The following PCDHA2 variants were observed in gnomAD, a reference collection of about 807,000 sequenced individuals.
PCDHA2 encodes the protein protocadherin alpha-2.
PCDHA2 carries 58 observed loss-of-function variants against 66.0 expected under a neutral mutation model. The ratio of observed to expected loss-of-function variants is 0.88; its 90% CI spans 0.71 to 1.09. The LOEUF (loss-of-function observed/expected upper bound fraction) is 1.09, where lower values mean the gene tolerates loss of function less well. Among genes scored for constraint, PCDHA2 ranks in the 50% least tolerant of loss-of-function variants. PCDHA2 has a pLI of 0.00. For synonymous variants in PCDHA2, 634 were observed against 554.0 expected (o/e 1.14, Z -2.03); for missense variants, 1,267 against 1,242.3 (o/e 1.02, Z -0.30).
At chr5:140,894,841 T>C in intron 1 of PCDHA2, among the ~76,000 whole-genome samples, 1 of 152,184 alleles carries the variant, frequency 6.6e-6, no homozygotes, top group East Asian at 1.9e-4. Context: ...TTTCTTATGC[T>C]CATTTTTATA....
At chr5:140,965,521 G>A (rs1554227745) in intron 1 of PCDHA2, among the ~76,000 whole-genome samples, 2 of 150,836 alleles carry the variant, frequency 1.3e-5, no homozygotes, top group East Asian at 3.9e-4. Flanking sequence ...TAACTGCAAA[G>A]CATTAATGGA....
At position 140,806,837 on chromosome 5, in the gene PCDHA2, C is replaced by A. The variant is rs1353545411; in HGVS notation, c.2388+9485C>A. The A allele has an allele frequency of 1.5e-5, 4 of 258,238 alleles. No individual in the cohort carries two copies. In the South Asian group the frequency reaches 3.6e-4, roughly 23 times the overall value. 16.0% of individuals were successfully genotyped at this position (258,238 alleles called of 1,614,324 possible). A position where few individuals can be genotyped will look rare whatever the true frequency, so the allele number is the denominator to read the frequency against. On this transcript the variant is annotated intron_variant, in intron 1 of 3. Transcript: ENST00000526136. ...TTGCCCCTATGGCGAAACTAAGGAC[C>A]ACACTCAATCAATCAGTGGTACAAT...
chr5:140,958,084 T>C (rs2095408627), intron 1 of PCDHA2, among the ~76,000 whole-genome samples: 1 of 152,110 alleles, frequency 6.6e-6, no homozygotes, highest in African/African-American at 2.4e-5. Flanking sequence ...AAAAGTAAAG[T>C]TGTACAATAG....
chr5:140,936,981 T>C (rs2153630854), intron 1 of PCDHA2, among the ~76,000 whole-genome samples: 1 of 152,330 alleles, frequency 6.6e-6, no homozygotes, highest in South Asian at 2.1e-4. Flanking sequence ...ATGAAGCTTG[T>C]TAACATTGAC....
At chr5:140,954,007 C>T (rs1277033706) in intron 1 of PCDHA2, among the ~76,000 whole-genome samples, 4 of 152,144 alleles carry the variant, frequency 2.6e-5, no homozygotes, top group Non-Finnish European at 4.4e-5. Flanking sequence ...CATCATTCAG[C>T]TCCCACACAT....
At chr5:140,850,654 T>G in intron 1 of PCDHA2, 1 of 1,598,638 alleles carries the variant, frequency 6.3e-7, no homozygotes, top group Non-Finnish European at 8.6e-7. Flanking sequence ...CTGTACACTG[T>G]GCTGCGGTGC....
At chr5:140,851,909 A>G in intron 1 of PCDHA2, 1 of 970,994 alleles carries the variant, frequency 1.0e-6, no homozygotes, top group Non-Finnish European at 1.2e-6. Context: ...CTTTAATGTC[A>G]CTACATGTTA....
At chr5:140,856,750 C>T (rs1554149043) in intron 1 of PCDHA2, 2 of 1,596,152 alleles carry the variant, frequency 1.3e-6, no homozygotes, top group Non-Finnish European at 1.7e-6. Flanking sequence ...TGTTAGATGC[C>T]AATGATAACG....
chr5:141,008,072 T>G (rs1419103459), intron 3 of PCDHA2, among the ~76,000 whole-genome samples: 3 of 152,154 alleles, frequency 2.0e-5, no homozygotes, highest in African/African-American at 7.2e-5. Context: ...TAAGAACTTA[T>G]TGGGGTTATT....
rs2150124281 is a variant in PCDHA2, at chr5:140,823,276, C to T, written c.2388+25924C>T. The T allele has an allele frequency of 1.9e-6, 3 of 1,612,052 alleles. No individual in the cohort carries two copies. Among genetic ancestry groups the T allele is most frequent in the Non-Finnish European group, 2.5e-6 (3 of 1,179,752 alleles). ...GCTGGTGGAGCGGCGGGTGGGCGAGCGCCCGCTGTCGAGTTACGTTTCGGT... is the reference window on the plus strand; with the variant it reads ...GCTGGTGGAGCGGCGGGTGGGCGAGTGCCCGCTGTCGAGTTACGTTTCGGT... On this transcript the variant is annotated intron_variant, in intron 1 of 3. Transcript: ENST00000526136.
rs2150412128 is a variant in PCDHA2 at position 140,848,533 on chromosome 5, C to T, written c.2388+51181C>T. 6.3e-6 allele frequency: 10 copies of T among 1,594,958 alleles called. No homozygotes were observed. In the East Asian group the frequency reaches 1.8e-4, roughly 28 times the overall value. On this transcript the variant is annotated intron_variant, in intron 1 of 3. Transcript: ENST00000526136. ...AGTCGAGGAGATCCAGAGGGTCAGC[C>T]TCTACTGCTCTCGCTTCTGATCCTC...
Position 140,851,840 on chromosome 5 carries a change from T to C in PCDHA2, c.2388+54488T>C. ...AGAAATCTGTTTTTTTAAAAATATCTTTTTCTCCTCTCAGCTCATACATAA... is the reference window on the plus strand; with the variant it reads ...AGAAATCTGTTTTTTTAAAAATATCCTTTTCTCCTCTCAGCTCATACATAA... On this transcript the variant is annotated intron_variant, in intron 1 of 3. Coordinates refer to ENST00000526136, the MANE Select transcript of PCDHA2 (RefSeq NM_018905.3). 3 of 970,528 alleles carry C rather than the reference T, an allele frequency of 3.1e-6. 1 individual carries two copies. The highest frequency in any genetic ancestry group is 3.7e-6 in the Non-Finnish European group (3 of 803,428). The allele number at this position is 970,528 out of a possible 1,614,324, so 60.1% of individuals were successfully genotyped here.
intron 1 of PCDHA2, chr5:140,830,140 G>A (rs1305649998): frequency 1.2e-6 from 2 of 1,613,352 alleles, no homozygotes; most frequent in Non-Finnish European, 8.5e-7. Context: ...CACGGGCGTC[G>A]GTGGGCGCCG....
chr5:140,809,266 G>A, intron 1 of PCDHA2: 1 of 1,614,114 alleles, frequency 6.2e-7, no homozygotes, highest in Non-Finnish European at 8.5e-7. Context: ...ATGCTGCGCT[G>A]GTGGATGTCA....
chr5:140,942,316 A>G (rs1197832358), intron 1 of PCDHA2, among the ~76,000 whole-genome samples: 1 of 152,100 alleles, frequency 6.6e-6, no homozygotes, highest in Non-Finnish European at 1.5e-5. Flanking sequence ...AGGTCGAGGC[A>G]CAAGAATCAC....
chr5:140,925,721 T>C lies in PCDHA2; in HGVS notation c.2389-53228T>C, dbSNP rs1360748997. Among the ~76,000 whole-genome samples the C allele has an allele frequency of 3.3e-5, 5 of 151,692 alleles. No individual in the cohort carries two copies. In the East Asian group the frequency reaches 7.7e-4, roughly 23 times the overall value. ...AGCCTATTCTTATCCTGCCTCATGG[T>C]GTTTTCTAAATATTTACAGAAAGAA... On this transcript the variant is annotated intron_variant, in intron 1 of 3. Transcript: ENST00000526136.
At position 140,876,596 on chromosome 5, in the gene PCDHA2, C is replaced by G. The variant is rs1361945795; in HGVS notation, c.2388+79244C>G. ...ACCGTCATTGCCCTGATTAGCGTGT[C>G]GGATCGTGACTCTGGAGCCAATGGA... On this transcript the variant is annotated intron_variant, in intron 1 of 3. Transcript: ENST00000526136. The G allele has an allele frequency of 3.1e-6, 5 of 1,614,040 alleles. No individual in the cohort carries two copies. In the East Asian group the frequency reaches 8.9e-5, roughly 29 times the overall value.
chr5:140,866,420 T>C (rs2049348301), intron 1 of PCDHA2: 1 of 152,148 alleles, frequency 6.6e-6, no homozygotes, highest in African/African-American at 2.4e-5. Context: ...CAAATGTGTG[T>C]AGGTCTTTCA....
chr5:140,808,435 G>A lies in PCDHA2; in HGVS notation c.2388+11083G>A, dbSNP rs376887531. On this transcript the variant is annotated intron_variant, in intron 1 of 3. Transcript: ENST00000526136. ...TGCTGGACAGTGCCCTGGACCGCGAGAGCGTGTCAGCCTATGAGCTGGTGG... is the reference window on the plus strand; with the variant it reads ...TGCTGGACAGTGCCCTGGACCGCGAAAGCGTGTCAGCCTATGAGCTGGTGG... 12 of 1,614,194 alleles carry A rather than the reference G, an allele frequency of 7.4e-6. No individual in the cohort carries two copies. The African/African-American group carries it at 1.6e-4, about 22-fold the overall frequency.
Sources: gnomAD v4.1 joint callset for allele counts (sites outside exome capture counted in the v4.1 genomes callset) on GRCh38, gnomAD v4.1.1 for gene constraint, MANE v1.5 for transcripts, NCBI Gene and HGNC (gene_info 2026-07-23, HGNC 2026-07-21) for gene names.